MYH10: variants seen among roughly 807,000 people sequenced by gnomAD.
MYH10 encodes myosin-10.
Under a neutral mutation model 257.8 loss-of-function variants are expected in MYH10, and 55 were observed. The ratio of observed to expected loss-of-function variants is 0.21; its 90% CI spans 0.17 to 0.27. The LOEUF (loss-of-function observed/expected upper bound fraction) is 0.27, where lower values mean the gene tolerates loss of function less well. Ranked by LOEUF, MYH10 falls within the 10% of genes least tolerant of loss-of-function variation. MYH10 has a pLI of 1.00. For synonymous variants in MYH10, 854 were observed against 921.7 expected (o/e 0.93, Z 1.33); for missense variants, 1,631 against 2,500.6 (o/e 0.65, Z 7.42).
At chr17:8,578,468 C>T (rs1402430234) in intron 4 of MYH10, among the ~76,000 whole-genome samples, 2 of 151,722 alleles carry the variant, frequency 1.3e-5, no homozygotes, top group Non-Finnish European at 2.9e-5. Flanking sequence ...GGTCTCAAAC[C>T]CCTGACCTCA....
intron 2 of MYH10, among the ~76,000 whole-genome samples, chr17:8,609,251 G>T (rs2084934240): frequency 6.6e-6 from 1 of 152,124 alleles, no homozygotes; most frequent in South Asian, 2.1e-4. Context: ...ATGGAGCAGA[G>T]ATACAATAGT....
intron 2 of MYH10, among the ~76,000 whole-genome samples, chr17:8,608,361 G>A (rs1445476598): frequency 6.6e-6 from 1 of 152,202 alleles, no homozygotes; most frequent in Non-Finnish European, 1.5e-5. Flanking sequence ...ACAAAACAGA[G>A]AAGGCCGGGA....
At chr17:8,568,490 C>T (rs1045948325) in intron 7 of MYH10, among the ~76,000 whole-genome samples, 5 of 151,948 alleles carry the variant, frequency 3.3e-5, no homozygotes, top group African/African-American at 7.3e-5. Context: ...AAGCGTGTCA[C>T]GACGACACTA....
At chr17:8,559,953 C>T (rs16957421) in intron 7 of MYH10, among the ~76,000 whole-genome samples, 2,584 of 152,284 alleles carry the variant, frequency 0.017, 81 homozygotes, top group African/African-American at 0.057. Context: ...TAAGGACACA[C>T]GGCCAACGTG....
intron 21 of MYH10, among the ~76,000 whole-genome samples, chr17:8,516,720 C>T (rs145318755): frequency 6.4e-4 from 98 of 152,310 alleles, no homozygotes; most frequent in African/African-American, 2.2e-3. Flanking sequence ...TGAAGTTAGC[C>T]TGGCACCTGC....
rs1312725014 is a variant in MYH10, at chr17:8,592,435, A to AACTGCC, written c.503-3333_503-3328dup. On this transcript the variant is annotated intron_variant, in intron 3 of 42. Transcript: ENST00000360416. Reference sequence around the variant, plus strand: ...TCAGGAAAAAGGAGAAAAGGACACAAACTGCCAATATCTGTAATTTTTAAA... The same window carrying AACTGCC: ...TCAGGAAAAAGGAGAAAAGGACACAAACTGCCACTGCCAATATCTGTAATTTTTAAA... Among the ~76,000 whole-genome samples, 4 of 152,162 alleles carry AACTGCC rather than the reference A, an allele frequency of 2.6e-5. No individual in the cohort carries two copies. In the East Asian group the frequency reaches 7.7e-4, roughly 29 times the overall value.
intron 40 of MYH10, among the ~76,000 whole-genome samples, chr17:8,478,952 G>A (rs1438802968): frequency 1.3e-5 from 2 of 152,144 alleles, no homozygotes; most frequent in African/African-American, 4.8e-5. Flanking sequence ...GGCTGGTCTC[G>A]AACTCCTCAC....
Position 8,506,572 on chromosome 17 carries a change from T to G in MYH10, c.3215-83A>C. 7.0e-7 allele frequency: 1 copy of G among 1,421,490 alleles called. No individual in the cohort carries two copies. Among genetic ancestry groups the G allele is most frequent in the Admixed American group, 2.3e-5 (1 of 44,410 alleles). 88.1% of individuals were successfully genotyped at this position (1,421,490 alleles called of 1,614,324 possible). A position where few individuals can be genotyped will look rare whatever the true frequency, so the allele number is the denominator to read the frequency against. On this transcript the variant is annotated intron_variant, in intron 26 of 42. Transcript: ENST00000360416. This position sits in a 1 kb window ranked among gnomAD's most constrained non-coding sequence, Gnocchi z 5.0. ...AACTAAAATACAGACTGATCCAAGT[T>G]GAAAATAAGCCATTTTATTCAAAAG...
intron 2 of MYH10, among the ~76,000 whole-genome samples, chr17:8,609,004 G>A (rs935256353): frequency 6.6e-6 from 1 of 152,104 alleles, no homozygotes; most frequent in Non-Finnish European, 1.5e-5. Context: ...GTAGAGACGG[G>A]GTTTCACTGT....
At chr17:8,501,015 A>T (rs1392190520) in intron 28 of MYH10, 45 bp from the exon 29 acceptor site, 1 of 1,553,654 alleles carries the variant, frequency 6.4e-7, no homozygotes, top group Non-Finnish European at 8.7e-7. Flanking sequence ...TAGCTGACTG[A>T]TTAAAAACAC....
chr17:8,577,389 A>C, intron 4 of MYH10, 51 bp from the exon 5 acceptor site: 1 of 1,076,814 alleles, frequency 9.3e-7, no homozygotes, highest in Non-Finnish European at 1.4e-6. Flanking sequence ...CAGCACATGC[A>C]TTCCAAAATT....
In MYH10 at chr17:8,492,447, G is replaced by A. The variant is rs767228188; in HGVS notation, c.4521C>T (p.Ala1507=). ...RYAEERDRAE[A]EAREKETKAL... The stretch of plus-strand genomic sequence containing the variant: ...CTTTGGTTTCTTTCTCTCTGGCCTC[G>A]GCTTCGGCCCGGTCCCGCTCTTCGG... Residue 1507 remains alanine, a synonymous_variant, in exon 34 of 43, where the codon GCC becomes GCT. Transcript: ENST00000360416. 3.1e-6 allele frequency: 5 copies of A among 1,612,654 alleles called. No homozygotes were observed. The highest frequency in any genetic ancestry group is 1.1e-5 in the South Asian group (1 of 91,084).
At chr17:8,557,602 T>C (rs530812512) in intron 7 of MYH10, among the ~76,000 whole-genome samples, 1 of 152,332 alleles carries the variant, frequency 6.6e-6, no homozygotes, top group Non-Finnish European at 1.5e-5. Flanking sequence ...TCAGGCACTA[T>C]GTCGTCATCA....
At chr17:8,478,689 GTTAA>G (rs910709921) in intron 40 of MYH10, among the ~76,000 whole-genome samples, 15 of 152,148 alleles carry the variant, frequency 9.9e-5, no homozygotes, top group African/African-American at 2.4e-4. Flanking sequence ...ACGTGTAGGT[GTTAA>G]TTACTGTACA....
At chr17:8,512,081 C>T (rs190720901) in intron 24 of MYH10, among the ~76,000 whole-genome samples, 3 of 152,272 alleles carry the variant, frequency 2.0e-5, no homozygotes, top group Admixed American at 2.0e-4. Context: ...ATTAGCCAAA[C>T]CACGTAGTAG....
chr17:8,500,666 C>T (rs910247938), intron 29 of MYH10, among the ~76,000 whole-genome samples, 160 bp downstream of exon 29: 8 of 152,188 alleles, frequency 5.3e-5, no homozygotes, highest in South Asian at 2.1e-4. Flanking sequence ...TTCTGAAAGC[C>T]GCTCCTGTCT....
chr17:8,541,314 C>T (rs1407710538), intron 14 of MYH10, among the ~76,000 whole-genome samples: 1 of 152,232 alleles, frequency 6.6e-6, no homozygotes, highest in African/African-American at 2.4e-5. Flanking sequence ...AACATACCTA[C>T]TTAACTAGTG....
chr17:8,532,603 C>CTATT (rs2082034848), intron 16 of MYH10, among the ~76,000 whole-genome samples: 1 of 152,172 alleles, frequency 6.6e-6, no homozygotes, highest in African/African-American at 2.4e-5. Context: ...AGCTTCTGAC[C>CTATT]TATTGTTGCC....
chr17:8,527,599 T>C (rs1261448182), intron 17 of MYH10, among the ~76,000 whole-genome samples: 3 of 152,240 alleles, frequency 2.0e-5, no homozygotes, highest in African/African-American at 7.2e-5. Context: ...TAAACATTTA[T>C]CGGGTTTCTC....
Sources: allele counts gnomAD v4.1 joint callset (sites outside exome capture counted in the v4.1 genomes callset), GRCh38; gene constraint gnomAD v4.1.1; non-coding constraint Gnocchi (gnomAD v3.1); transcripts MANE v1.5; gene names NCBI Gene and HGNC (gene_info 2026-07-23, HGNC 2026-07-21).